MARCHF5: variants seen among roughly 807,000 people sequenced by gnomAD.
MARCHF5 encodes membrane associated ring-CH-type finger 5.
MARCHF5 carries 5 observed loss-of-function variants against 36.5 expected under a neutral mutation model. The ratio of observed to expected loss-of-function variants is 0.14; its 90% CI spans 0.07 to 0.29. MARCHF5 has a LOEUF of 0.29. MARCHF5 is among the 10% of genes least tolerant of loss of function. The pLI, the probability that MARCHF5 is intolerant of heterozygous loss-of-function variation, is 1.00. For missense variants in MARCHF5, 179 were observed against 336.3 expected (o/e 0.53, Z 3.66); for synonymous variants, 103 against 109.9 (o/e 0.94, Z 0.39).
rs1009185560 is a variant in MARCHF5, at chr10:92,291,643, G to A, written c.35+114G>A. On this transcript the variant is annotated intron_variant, in intron 1 of 5. Transcript: ENST00000358935. ...CCCGGCGTGCCGGGAGGAGTTCCACGGCCAGGGGGCCGTGAGAGGGGCAAA... is the reference window on the plus strand; with the variant it reads ...CCCGGCGTGCCGGGAGGAGTTCCACAGCCAGGGGGCCGTGAGAGGGGCAAA... 9 of 1,402,738 alleles carry A rather than the reference G, an allele frequency of 6.4e-6. 1 individual carries two copies. Among genetic ancestry groups the A allele is most frequent in the African/African-American group, 6.1e-5 (4 of 65,954 alleles). 86.9% of individuals were successfully genotyped at this position (1,402,738 alleles called of 1,614,324 possible).
At chr10:92,317,247 C>G (rs192500825) in intron 2 of MARCHF5, among the ~76,000 whole-genome samples, 1 of 151,904 alleles carries the variant, frequency 6.6e-6, no homozygotes, top group Non-Finnish European at 1.5e-5. Flanking sequence ...TACAGACATG[C>G]GCCAGCACGC....
Position 92,351,200 on chromosome 10 carries a change from A to C in MARCHF5, c.830A>C (p.Glu277Ala), listed in dbSNP as rs777683898. The C allele has an allele frequency of 1.4e-5, 23 of 1,603,426 alleles. No individual in the cohort carries two copies. Among genetic ancestry groups the C allele is most frequent in the South Asian group, 2.2e-5 (2 of 90,098 alleles). ...RKILNYPEQEEA is the reference protein window; with the variant it reads ...RKILNYPEQEAA ...ATTCTGAATTATCCAGAACAAGAAG[A>C]AGCATAAAACTGACTTCTGGTTGTT... is the stretch of plus-strand genomic sequence containing the variant. Residue 277 changes from glutamate to alanine, a missense_variant, in exon 6 of 6, where the codon GAA becomes GCA. Physicochemically the swap from Glu to Ala is moderately radical, Grantham distance 107 (BLOSUM62 -1). Transcript: ENST00000358935.
chr10:92,310,419 GCAAAGTGGGA>G (rs1843129934), intron 1 of MARCHF5, among the ~76,000 whole-genome samples: 1 of 152,054 alleles, frequency 6.6e-6, no homozygotes, highest in African/African-American at 2.4e-5. Flanking sequence ...ACCCTTAAAA[GCAAAGTGGGA>G]AAATGTTTTA....
At chr10:92,314,203 C>T (rs1399863584) in intron 2 of MARCHF5, among the ~76,000 whole-genome samples, 1 of 26,076 alleles carries the variant, frequency 3.8e-5, no homozygotes, top group African/African-American at 1.6e-4. Context: ...CAGAGTGAAA[C>T]CAATCTTAAA....
intron 2 of MARCHF5, among the ~76,000 whole-genome samples, chr10:92,313,558 T>C (rs1046868896): frequency 5.3e-5 from 8 of 151,418 alleles, no homozygotes; most frequent in African/African-American, 1.9e-4. Context: ...TGAGCCAAGA[T>C]AGCGCCACAG....
In MARCHF5 at chr10:92,291,331, C is replaced by G. The variant is rs1009505177; in HGVS notation, c.-164C>G. On this transcript the variant is annotated 5_prime_UTR_variant, in exon 1 of 6. Coordinates refer to ENST00000358935, the MANE Select transcript of MARCHF5 (RefSeq NM_017824.5). ...CTCCGCCGGACTCCCGCAGGCCCTG[C>G]ACCGCCGCCGCCAGGCTAGCGGAGC... 1.5e-6 allele frequency: 1 copy of G among 668,496 alleles called. No individual in the cohort carries two copies. The highest frequency in any genetic ancestry group is 2.6e-6 in the Non-Finnish European group (1 of 382,970). 41.4% of individuals were successfully genotyped at this position (668,496 alleles called of 1,614,324 possible).
chr10:92,347,523 T>TAGATGATA lies in MARCHF5; in HGVS notation c.370-1826_370-1825insAGATGATA, dbSNP rs58664499. ...ATAGATAGATAGATAGATAGATAGA[T>TAGATGATA]GATAGATATATAGATAGATAGATAG... On this transcript the variant is annotated intron_variant, in intron 3 of 5. Transcript: ENST00000358935. 2.2e-3 allele frequency among the ~76,000 whole-genome samples: 193 copies of TAGATGATA among 86,904 alleles called. 1 individual carries two copies. The highest frequency in any genetic ancestry group is 4.3e-3 in the Admixed American group (35 of 8,200). The allele number at this position is 86,904 out of a possible 152,430, so 57.0% of individuals were successfully genotyped here. A position where few individuals can be genotyped will look rare whatever the true frequency, so the allele number is the denominator to read the frequency against.
chr10:92,316,181 A>G (rs571429333), intron 2 of MARCHF5, among the ~76,000 whole-genome samples: 6 of 152,260 alleles, frequency 3.9e-5, no homozygotes, highest in African/African-American at 1.4e-4. Flanking sequence ...AACTTTTCAA[A>G]TGAATTTAGC....
chr10:92,327,720 A>C (rs1449774042), intron 2 of MARCHF5, among the ~76,000 whole-genome samples: 1 of 152,220 alleles, frequency 6.6e-6, no homozygotes, highest in Non-Finnish European at 1.5e-5. Context: ...AGCATTGACC[A>C]AAGCTCAGCA....
At chr10:92,296,304 A>G (rs1388402826) in intron 1 of MARCHF5, among the ~76,000 whole-genome samples, 2 of 152,318 alleles carry the variant, frequency 1.3e-5, no homozygotes, top group East Asian at 3.9e-4. Flanking sequence ...TGATTTTTCT[A>G]GTGTCGTGAA....
At chr10:92,319,389 G>A (rs542102564) in intron 2 of MARCHF5, among the ~76,000 whole-genome samples, 5 of 146,524 alleles carry the variant, frequency 3.4e-5, no homozygotes, top group Non-Finnish European at 7.5e-5. Flanking sequence ...TCCGCCTCCC[G>A]GGTTCACGCC....
chr10:92,340,753 G>A lies in MARCHF5; in HGVS notation c.319G>A (p.Gly107Ser). The change falls in exon 3 of 6, where the codon GGC (glycine) becomes AGC (serine). Residue 107 changes from glycine to serine, a missense_variant. Around this residue, in one of 3 missense-constraint regions of MARCHF5, gnomAD observed 66 missense variants for 180.5 expected, o/e 0.37. Transcript: ENST00000358935. ...CPFAAAGIMV[G>S]SIYWTAVTYG... ...ATTTGCTGCAGCAGGAATAATGGTCGGCTCTATCTATTGGACAGCTGTGAC... is the reference window on the plus strand; with the variant it reads ...ATTTGCTGCAGCAGGAATAATGGTCAGCTCTATCTATTGGACAGCTGTGAC... 1 of 1,613,626 alleles carries A rather than the reference G, an allele frequency of 6.2e-7. No individual in the cohort carries two copies.
intron 2 of MARCHF5, among the ~76,000 whole-genome samples, chr10:92,312,655 TTAGA>T (rs1196385819): frequency 2.0e-5 from 3 of 152,254 alleles, no homozygotes; most frequent in Non-Finnish European, 2.9e-5. Flanking sequence ...TTGTACTAAA[TTAGA>T]TAGCCCCACC....
At chr10:92,337,498 A>G (rs1255275829) in intron 2 of MARCHF5, among the ~76,000 whole-genome samples, 2 of 152,188 alleles carry the variant, frequency 1.3e-5, no homozygotes, top group African/African-American at 4.8e-5. Context: ...ACCCTGGGCA[A>G]CAAGAGCAAA....
intron 2 of MARCHF5, among the ~76,000 whole-genome samples, chr10:92,333,217 T>C (rs1331406786): frequency 6.7e-6 from 1 of 149,986 alleles, no homozygotes; most frequent in Non-Finnish European, 1.5e-5. Flanking sequence ...CTTGGGACCA[T>C]ATAATTAATA....
intron 1 of MARCHF5, among the ~76,000 whole-genome samples, chr10:92,302,246 T>A (rs528512611): frequency 6.6e-6 from 1 of 152,132 alleles, no homozygotes; most frequent in East Asian, 1.9e-4. Flanking sequence ...GACTGTATTC[T>A]CACCTTTTCT....
chr10:92,307,208 TGTGTGC>T (rs367733313), intron 1 of MARCHF5, among the ~76,000 whole-genome samples: 52,242 of 131,254 alleles, frequency 0.4, 9,941 homozygotes, highest in Middle Eastern at 0.54. Flanking sequence ...TGTGTGTGTG[TGTGTGC>T]GCGTGCATGC....
At chr10:92,317,626 C>A (rs189720198) in intron 2 of MARCHF5, among the ~76,000 whole-genome samples, 1 of 152,242 alleles carries the variant, frequency 6.6e-6, no homozygotes, top group Admixed American at 6.6e-5. Context: ...ACCTTGTATC[C>A]TGTGACCTTG....
chr10:92,329,533 C>G (rs1843412872), intron 2 of MARCHF5, among the ~76,000 whole-genome samples: 2 of 152,168 alleles, frequency 1.3e-5, no homozygotes, highest in South Asian at 4.1e-4. Context: ...TGTTTTTCCT[C>G]TAGCCACATG....
Sources: allele counts gnomAD v4.1 joint callset (sites outside exome capture counted in the v4.1 genomes callset), GRCh38; gene constraint gnomAD v4.1.1; regional missense constraint gnomAD v4.1.1; transcripts MANE v1.5; gene names NCBI Gene and HGNC (gene_info 2026-07-23, HGNC 2026-07-21).